The following INSM2 variants were observed in gnomAD, a reference collection of about 807,000 sequenced individuals.
The protein encoded by INSM2 is insulinoma-associated protein 2.
INSM2 carries 12 observed loss-of-function variants against 30.5 expected under a neutral mutation model. That is an observed-to-expected ratio of 0.39 (90% CI 0.25 to 0.64). INSM2 has a LOEUF of 0.64. Ranked by LOEUF, INSM2 falls within the 30% of genes least tolerant of loss-of-function variation. The pLI, the probability that INSM2 is intolerant of heterozygous loss-of-function variation, is 0.47. For missense variants in INSM2, 773 were observed against 819.2 expected, an observed-to-expected ratio of 0.94 and a Z score of 0.69; for synonymous variants, 418 against 383.7, an observed-to-expected ratio of 1.09 and a Z score of -1.05.
In INSM2 at chr14:35,534,707, T is replaced by C; in HGVS notation, c.455T>C (p.Val152Ala). Residue 152 changes from valine to alanine, a missense_variant, in exon 1 of 1, where the codon GTG becomes GCG. Transcript: ENST00000307169. ...AAAVAAFSCS[V>A]APAAAPTPGE... ...GCCGTGGCCGCTTTCTCCTGCTCCG[T>C]GGCGCCAGCAGCCGCACCGACCCCG... 1 of 1,397,682 alleles carries C rather than the reference T, an allele frequency of 7.2e-7. No homozygotes were observed. Among genetic ancestry groups the C allele is most frequent in the Non-Finnish European group, 9.2e-7 (1 of 1,085,122 alleles). The allele number at this position is 1,397,682 out of a possible 1,614,324, so 86.6% of individuals were successfully genotyped here.
rs1453323897 is a variant in INSM2, at chr14:35,536,288, C to G, written c.*335C>G. The G allele has an allele frequency of 3.9e-6, 1 of 253,566 alleles. No individual in the cohort carries two copies. Among genetic ancestry groups the G allele is most frequent in the South Asian group, 1.1e-4 (1 of 9,102 alleles). The allele number at this position is 253,566 out of a possible 1,614,324, so 15.7% of individuals were successfully genotyped here. A position where few individuals can be genotyped will look rare whatever the true frequency, so the allele number is the denominator to read the frequency against. ...GATTTGTAATTCCTATGGAAAGTCGCGGTGAATGCGTGCATGTCTCAATGT... is the reference window on the plus strand; with the variant it reads ...GATTTGTAATTCCTATGGAAAGTCGGGGTGAATGCGTGCATGTCTCAATGT... On this transcript the variant is annotated 3_prime_UTR_variant, in exon 1 of 1. Coordinates refer to ENST00000307169, the MANE Select transcript of INSM2 (RefSeq NM_032594.4).
Position 35,534,528 on chromosome 14 carries a change from G to T in INSM2, c.276G>T (p.Ala92=). 1 of 1,399,430 alleles carries T rather than the reference G, an allele frequency of 7.1e-7. No individual in the cohort carries two copies. Among genetic ancestry groups the T allele is most frequent in the Non-Finnish European group, 9.2e-7 (1 of 1,085,370 alleles). The allele number at this position is 1,399,430 out of a possible 1,614,324, so 86.7% of individuals were successfully genotyped here. A position where few individuals can be genotyped will look rare whatever the true frequency, so the allele number is the denominator to read the frequency against. ...VSPGTGGREG[A]EWRAGGREGP... ...CGGGGACGGGCGGGCGGGAAGGCGC[G>T]GAGTGGCGGGCGGGTGGCAGGGAAG... The change falls in exon 1 of 1, where the codon GCG becomes GCT. Residue 92 remains alanine (A), a synonymous_variant. Transcript: ENST00000307169.
In INSM2 at chr14:35,535,377, G is replaced by A. The variant is rs1255523898; in HGVS notation, c.1125G>A (p.Ala375=). ...CGCAGGCCAGGGACAGCTCCGGGGC[G>A]GATCAGCACCCGGACAGCGCCCCGA... ...QHPQARDSSG[A]DQHPDSAPRQ... is the part of the protein sequence containing the mutation. The change falls in exon 1 of 1, where the codon GCG becomes GCA. Residue 375 remains alanine (A), a synonymous_variant. Coordinates refer to ENST00000307169, the MANE Select transcript of INSM2 (RefSeq NM_032594.4). 1 of 1,611,244 alleles carries A rather than the reference G, an allele frequency of 6.2e-7. No individual in the cohort carries two copies. The highest frequency in any genetic ancestry group is 1.3e-5 in the African/African-American group (1 of 74,924).
In INSM2 at chr14:35,535,132, C is replaced by T. The variant is rs771020863; in HGVS notation, c.880C>T (p.Pro294Ser). 6.2e-7 allele frequency: 1 copy of T among 1,610,170 alleles called. No homozygotes were observed. The highest frequency in any genetic ancestry group is 1.1e-5 in the South Asian group (1 of 90,704). The change falls in exon 1 of 1, where the codon CCT (proline) becomes TCT (serine). Residue 294 changes from proline (P) to serine (S), a missense_variant. Transcript: ENST00000307169. ...CATCGTGCGCGTAGAGTACCGCTGC[C>T]CTGAGTGCGACAAGGTGTTCAGCTG... is the stretch of plus-strand genomic sequence containing the variant. ...SRIVRVEYRCPECDKVFSCPA... is the reference protein window; with the variant it reads ...SRIVRVEYRCSECDKVFSCPA...
At position 35,536,144 on chromosome 14, in the gene INSM2, G is replaced by GGTAT; in HGVS notation, c.*196_*199dup. ...AAATGTAATATCCCTCTCTAGAGCA[G>GGTAT]GTATGTATATGGTATAAACCTTGAG... On this transcript the variant is annotated 3_prime_UTR_variant, in exon 1 of 1. Coordinates refer to ENST00000307169, the MANE Select transcript of INSM2 (RefSeq NM_032594.4). 1.6e-6 allele frequency: 1 copy of GGTAT among 644,960 alleles called. No individual in the cohort carries two copies. Among genetic ancestry groups the GGTAT allele is most frequent in the Non-Finnish European group, 2.7e-6 (1 of 372,028 alleles). The allele number at this position is 644,960 out of a possible 1,614,324, so 40.0% of individuals were successfully genotyped here.
chr14:35,535,099 T>G lies in INSM2; in HGVS notation c.847T>G (p.Cys283Gly). Residue 283 changes from cysteine (C) to glycine (G), a missense_variant, in exon 1 of 1, where the codon TGC becomes GGC. By Grantham distance (159) the Cys-to-Gly change is radical. Transcript: ENST00000307169. ...ADPFALAQHR[C>G]SRIVRVEYRC... ...CCCCTTCGCGCTGGCCCAGCACCGC[T>G]GCTCCCGCATCGTGCGCGTAGAGTA... 1.2e-6 allele frequency: 2 copies of G among 1,604,104 alleles called. No individual in the cohort carries two copies. The highest frequency in any genetic ancestry group is 1.7e-6 in the Non-Finnish European group (2 of 1,174,682).
rs1336348162 is a variant in INSM2, at chr14:35,534,490, G to T, written c.238G>T (p.Ala80Ser). The T allele has an allele frequency of 1.4e-6, 2 of 1,433,210 alleles. No individual in the cohort carries two copies. The highest frequency in any genetic ancestry group is 5.7e-5 in the East Asian group (2 of 34,996). The allele number at this position is 1,433,210 out of a possible 1,614,324, so 88.8% of individuals were successfully genotyped here. ...REQSGSPCRA[A>S]GVSPGTGGRE... Reference sequence around the variant, plus strand: ...ACAGTCGGGGTCGCCATGTCGGGCGGCTGGGGTGAGCCCGGGGACGGGCGG... The same window carrying T: ...ACAGTCGGGGTCGCCATGTCGGGCGTCTGGGGTGAGCCCGGGGACGGGCGG... The change falls in exon 1 of 1, where the codon GCT becomes TCT. Residue 80 changes from alanine to serine, a missense_variant. Transcript: ENST00000307169.
chr14:35,535,491 G>A lies in INSM2; in HGVS notation c.1239G>A (p.Val413=). ...GGGTGTTGGGGCGCCGGGTACCTGT[G>A]CCGGGCAGTACCAGTGGTGGCAGGG... The part of the protein sequence containing the change: ...TEGVLGRRVP[V]PGSTSGGRGS... Residue 413 remains valine (V), a synonymous_variant, in exon 1 of 1, where the codon GTG becomes GTA. Transcript: ENST00000307169. 1 of 1,613,276 alleles carries A rather than the reference G, an allele frequency of 6.2e-7. No homozygotes were observed. The highest frequency in any genetic ancestry group is 8.5e-7 in the Non-Finnish European group (1 of 1,179,974).
rs915163696 is a variant in INSM2, at chr14:35,534,393, C to T, written c.141C>T (p.Pro47=). Residue 47 remains proline, a synonymous_variant, in exon 1 of 1, where the codon CCC becomes CCT. Coordinates refer to ENST00000307169, the MANE Select transcript of INSM2 (RefSeq NM_032594.4). ...AGGAGGCTCCCAGCGCCTCCTTGCCCGGCGCGGAGCGGGCGACACCCCCCA... is the reference window on the plus strand; with the variant it reads ...AGGAGGCTCCCAGCGCCTCCTTGCCTGGCGCGGAGCGGGCGACACCCCCCA... ...FLEEAPSASL[P]GAERATPPTR... is the part of the protein sequence containing the mutation. 1.8e-5 allele frequency: 27 copies of T among 1,532,264 alleles called. No homozygotes were observed. Among genetic ancestry groups the T allele is most frequent in the Non-Finnish European group, 2.4e-5 (27 of 1,145,512 alleles). 94.9% of individuals were successfully genotyped at this position (1,532,264 alleles called of 1,614,324 possible).
chr14:35,535,400 C>G lies in INSM2; in HGVS notation c.1148C>G (p.Pro383Arg). 1.2e-6 allele frequency: 2 copies of G among 1,611,608 alleles called. No homozygotes were observed. Among genetic ancestry groups the G allele is most frequent in the Non-Finnish European group, 1.7e-6 (2 of 1,179,192 alleles). The part of the protein sequence containing the change: ...SGADQHPDSA[P>R]RQGLQVLTHP... ...GCGGATCAGCACCCGGACAGCGCCC[C>G]GAGGCAGGGCCTCCAGGTGCTGACG... Residue 383 changes from proline to arginine, a missense_variant, in exon 1 of 1, where the codon CCG (proline) becomes CGG (arginine). Pro to Arg is a moderately radical substitution (Grantham distance 103). Coordinates refer to ENST00000307169, the MANE Select transcript of INSM2 (RefSeq NM_032594.4).
Position 35,535,542 on chromosome 14 carries a change from T to G in INSM2, c.1290T>G (p.Tyr430Ter). 1 of 1,613,300 alleles carries G rather than the reference T, an allele frequency of 6.2e-7. No individual in the cohort carries two copies. Among genetic ancestry groups the G allele is most frequent in the Non-Finnish European group, 8.5e-7 (1 of 1,179,972 alleles). ...GATCCGAGATTTTCGTGTGCCCATA[T>G]TGCCACAAAAAGTTTCGTCGCCAAG... ...GRGSEIFVCP[Y>*]CHKKFRRQAY... The change falls in exon 1 of 1, where the codon TAT (tyrosine) becomes TAG (stop). Residue 430 changes from tyrosine to a stop codon, truncating the protein, a stop_gained. Coordinates refer to ENST00000307169, the MANE Select transcript of INSM2 (RefSeq NM_032594.4). LOFTEE classifies it high-confidence loss of function.
chr14:35,535,339 G>C lies in INSM2; in HGVS notation c.1087G>C (p.Ala363Pro). The C allele has an allele frequency of 6.2e-7, 1 of 1,610,682 alleles. No homozygotes were observed. Among genetic ancestry groups the C allele is most frequent in the Non-Finnish European group, 8.5e-7 (1 of 1,178,410 alleles). ...GGAGAACAGCCGAATAGAGCGGACT[G>C]CGGATCAGCACCCGCAGGCCAGGGA... ...GKENSRIERT[A>P]DQHPQARDSS... Residue 363 changes from alanine (A) to proline (P), a missense_variant, in exon 1 of 1, where the codon GCG becomes CCG. Ala to Pro is a conservative substitution (Grantham distance 27, BLOSUM62 -1). Coordinates refer to ENST00000307169, the MANE Select transcript of INSM2 (RefSeq NM_032594.4).
chr14:35,535,924 C>T lies in INSM2; in HGVS notation c.1672C>T (p.Leu558=). The change falls in exon 1 of 1, where the codon CTG becomes TTG. Residue 558 remains leucine (L), a synonymous_variant. Transcript: ENST00000307169. ...CTCAGAAAGCCGGCAAGTGCTGCTGCTGCAGATGCCACTGCGGCCTGGCTG... is the reference window on the plus strand; with the variant it reads ...CTCAGAAAGCCGGCAAGTGCTGCTGTTGCAGATGCCACTGCGGCCTGGCTG... The part of the protein sequence containing the change: ...HPSESRQVLL[L]QMPLRPGC The T allele has an allele frequency of 6.2e-7, 1 of 1,611,102 alleles. No individual in the cohort carries two copies.
chr14:35,534,781 C>T lies in INSM2; in HGVS notation c.529C>T (p.Leu177Phe), dbSNP rs2053583135. ...TCGGGCGCCGTTCCCAGAGCCCGCG[C>T]TTCAGCCGGACCCTGCGCCCCTCTC... ...PLRAPFPEPALQPDPAPLSAA... is the reference protein window; with the variant it reads ...PLRAPFPEPAFQPDPAPLSAA... The change falls in exon 1 of 1, where the codon CTT becomes TTT. Residue 177 changes from leucine (L) to phenylalanine (F), a missense_variant. Physicochemically the swap from Leu to Phe is conservative, Grantham distance 22. Coordinates refer to ENST00000307169, the MANE Select transcript of INSM2 (RefSeq NM_032594.4). 6 of 1,429,616 alleles carry T rather than the reference C, an allele frequency of 4.2e-6. No individual in the cohort carries two copies. In the Admixed American group the frequency reaches 1.7e-4, roughly 39 times the overall value. 88.6% of individuals were successfully genotyped at this position (1,429,616 alleles called of 1,614,324 possible). A position where few individuals can be genotyped will look rare whatever the true frequency, so the allele number is the denominator to read the frequency against.
Position 35,534,480 on chromosome 14 carries a change from A to G in INSM2, c.228A>G (p.Pro76=). The G allele has an allele frequency of 6.9e-7, 1 of 1,442,294 alleles. No homozygotes were observed. The highest frequency in any genetic ancestry group is 9.1e-7 in the Non-Finnish European group (1 of 1,103,254). 89.3% of individuals were successfully genotyped at this position (1,442,294 alleles called of 1,614,324 possible). ...AEAAREQSGS[P]CRAAGVSPGT... is the part of the protein sequence containing the mutation. ...CGGCCCGGGAACAGTCGGGGTCGCC[A>G]TGTCGGGCGGCTGGGGTGAGCCCGG... The change falls in exon 1 of 1, where the codon CCA becomes CCG. Residue 76 remains proline (P), a synonymous_variant. Coordinates refer to ENST00000307169, the MANE Select transcript of INSM2 (RefSeq NM_032594.4).
In INSM2 at chr14:35,534,199, T is replaced by C; in HGVS notation, c.-54T>C. ...TTCTAGTTCATCTGCTGGCCGGCTC[T>C]CAGTCCCCGTGGCGCCCCCTTTCCT... On this transcript the variant is annotated 5_prime_UTR_variant, in exon 1 of 1. Transcript: ENST00000307169. 1 of 1,541,844 alleles carries C rather than the reference T, an allele frequency of 6.5e-7. No individual in the cohort carries two copies. The highest frequency in any genetic ancestry group is 2.6e-5 in the East Asian group (1 of 38,680).
chr14:35,536,109 GC>G lies in INSM2; in HGVS notation c.*157del. The G allele has an allele frequency of 1.1e-6, 1 of 881,798 alleles. No homozygotes were observed. The highest frequency in any genetic ancestry group is 1.8e-5 in the South Asian group (1 of 56,808). 54.6% of individuals were successfully genotyped at this position (881,798 alleles called of 1,614,324 possible). A position where few individuals can be genotyped will look rare whatever the true frequency, so the allele number is the denominator to read the frequency against. ...CTGTAGTCAATGTTCCACCAGAGGA[GC>G]GGACAGTGAAATGTAATATCCCTCT... On this transcript the variant is annotated 3_prime_UTR_variant, in exon 1 of 1. Transcript: ENST00000307169.
rs1000538412 is a variant in INSM2 at position 35,536,849 on chromosome 14, C to A, written c.*896C>A. The stretch of plus-strand genomic sequence containing the variant: ...TAAGGAAGATGTTAACACCTGTAAT[C>A]CACTAAGGAACTGAATGGCAATTTG... On this transcript the variant is annotated 3_prime_UTR_variant, in exon 1 of 1. Coordinates refer to ENST00000307169, the MANE Select transcript of INSM2 (RefSeq NM_032594.4). 6.0e-6 allele frequency: 1 copy of A among 167,068 alleles called. No homozygotes were observed. The highest frequency in any genetic ancestry group is 1.5e-5 in the Non-Finnish European group (1 of 68,120). The allele number at this position is 167,068 out of a possible 1,614,324, so 10.3% of individuals were successfully genotyped here.
In INSM2 at chr14:35,534,649, G is replaced by A. The variant is rs1275219586; in HGVS notation, c.397G>A (p.Val133Ile). Residue 133 changes from valine to isoleucine, a missense_variant, in exon 1 of 1, where the codon GTC (valine) becomes ATC (isoleucine). Val to Ile is a conservative substitution (Grantham distance 29). Transcript: ENST00000307169. ...CCTGGAGCGCTGCCTCAGCTCGCCC[G>A]TCTCCGCCGAGTCTTTCCCCGGGGG... is the stretch of plus-strand genomic sequence containing the variant. ...AFLERCLSSPVSAESFPGGAA... is the reference protein window; with the variant it reads ...AFLERCLSSPISAESFPGGAA... 7.1e-7 allele frequency: 1 copy of A among 1,416,762 alleles called. No homozygotes were observed. Among genetic ancestry groups the A allele is most frequent in the Admixed American group, 3.1e-5 (1 of 31,958 alleles). 87.8% of individuals were successfully genotyped at this position (1,416,762 alleles called of 1,614,324 possible).
Sources: gnomAD v4.1 joint callset for allele counts on GRCh38, gnomAD v4.1.1 for gene constraint, MANE v1.5 for transcripts, NCBI Gene and HGNC (gene_info 2026-07-23, HGNC 2026-07-21) for gene names.